Variants in HIVEP3 observed in about 807,000 individuals in gnomAD.
The protein encoded by HIVEP3 is HIVEP zinc finger 3.
In HIVEP3, 49 loss-of-function variants were observed where a neutral mutation model predicts 152.8. The observed-to-expected ratio is 0.32, with a 90% confidence interval of 0.26 to 0.41. The LOEUF is 0.41. Ranked by LOEUF, HIVEP3 falls within the 10% of genes least tolerant of loss-of-function variation. The probability of loss-of-function intolerance (pLI) is 1.00; values close to 1 mark genes in which losing one functional copy is unlikely to be tolerated. For missense variants in HIVEP3, 2,790 were observed against 3,103.3 expected (o/e 0.90, Z 2.40); for synonymous variants, 1,269 against 1,289.0 (o/e 0.98, Z 0.33).
At position 41,508,254 on chromosome 1, in the gene HIVEP3, C is replaced by G. The variant is rs982709641; in HGVS notation, c.*2197G>C. The G allele has an allele frequency of 1.3e-5, 2 of 152,216 alleles. No individual in the cohort carries two copies. The highest frequency in any genetic ancestry group is 2.4e-5 in the African/African-American group (1 of 41,428). The allele number at this position is 152,216 out of a possible 1,614,324, so 9.4% of individuals were successfully genotyped here. A position where few individuals can be genotyped will look rare whatever the true frequency, so the allele number is the denominator to read the frequency against. On this transcript the variant is annotated 3_prime_UTR_variant, in exon 9 of 9. Transcript: ENST00000372583. ...TTTCTAACCTGGGCTGAAGCAATGC[C>G]CTTTATGCAGCTCCCAGACCTCAGC... is the stretch of plus-strand genomic sequence containing the variant.
At chr1:41,836,535 A>G (rs1570637268) in intron 1 of HIVEP3, among the ~76,000 whole-genome samples, 2 of 152,362 alleles carry the variant, frequency 1.3e-5, no homozygotes, top group South Asian at 4.1e-4. Context: ...CATCAACAAG[A>G]CAATCTGAGC....
At chr1:42,005,032 G>C (rs1050729290) in intron 1 of HIVEP3, among the ~76,000 whole-genome samples, 1 of 152,154 alleles carries the variant, frequency 6.6e-6, no homozygotes, top group Admixed American at 6.6e-5. Flanking sequence ...CCTCCTTGCT[G>C]TCCTGGACAC....
At position 41,582,340 on chromosome 1, in the gene HIVEP3, C is replaced by G; in HGVS notation, c.2458G>C (p.Gly820Arg). The change falls in exon 4 of 9, where the codon GGG becomes CGG. Residue 820 changes from glycine (G) to arginine (R), a missense_variant. Coordinates refer to ENST00000372583, the MANE Select transcript of HIVEP3 (RefSeq NM_024503.5). This position sits in a 1 kb window ranked among gnomAD's most constrained non-coding sequence, Gnocchi z 4.7. ...AACTGGGCCAGAGGTTTGTCTTCCC[C>G]TTCCAAGCCACTCGGCTGCTCGAGA... ...DSLEQPSGLEGEDKPLAQFPS... is the reference protein window; with the variant it reads ...DSLEQPSGLEREDKPLAQFPS... 2 of 1,614,108 alleles carry G rather than the reference C, an allele frequency of 1.2e-6. No individual in the cohort carries two copies. The highest frequency in any genetic ancestry group is 1.7e-6 in the Non-Finnish European group (2 of 1,179,974).
chr1:41,739,733 C>A (rs1194967439), intron 1 of HIVEP3, among the ~76,000 whole-genome samples: 2 of 152,220 alleles, frequency 1.3e-5, no homozygotes, highest in Non-Finnish European at 2.9e-5. Context: ...CCCTGTAAGA[C>A]AGGCAGGGTA....
At chr1:41,667,867 C>A (rs1443946094) in intron 2 of HIVEP3, among the ~76,000 whole-genome samples, 1 of 151,622 alleles carries the variant, frequency 6.6e-6, no homozygotes, top group African/African-American at 2.4e-5. Flanking sequence ...AATAAAGAAG[C>A]CCCCCCCAAG....
rs776108640 is a variant in HIVEP3 at position 41,518,414 on chromosome 1, C to T, written c.5458G>A (p.Glu1820Lys). Residue 1820 changes from glutamate (E) to lysine (K), a missense_variant, in exon 7 of 9, where the codon GAA becomes AAA. Physicochemically the swap from Glu to Lys is moderately conservative, Grantham distance 56. This residue lies in a region of HIVEP3 where 816 missense variants were observed against 806.5 expected (regional missense o/e 1.01). Coordinates refer to ENST00000372583, the MANE Select transcript of HIVEP3 (RefSeq NM_024503.5). Reference sequence around the variant, plus strand: ...TGGCAATTGTTACCTTCTTCGGCTTCCAGCTCCTCCAGCACCCCTGTCTCT... The same window carrying T: ...TGGCAATTGTTACCTTCTTCGGCTTTCAGCTCCTCCAGCACCCCTGTCTCT... ...CQETGVLEELEAEEGTSDDLF... is the reference protein window; with the variant it reads ...CQETGVLEELKAEEGTSDDLF... 41 of 1,614,026 alleles carry T rather than the reference C, an allele frequency of 2.5e-5. No homozygotes were observed. The highest frequency in any genetic ancestry group is 3.2e-5 in the Non-Finnish European group (38 of 1,179,994).
intron 1 of HIVEP3, among the ~76,000 whole-genome samples, chr1:41,764,302 T>C (rs1487885058): frequency 2.6e-5 from 4 of 152,216 alleles, no homozygotes; most frequent in Non-Finnish European, 2.9e-5. Flanking sequence ...GTGACCATCA[T>C]AGCCCAGGCA....
At chr1:41,692,973 C>G (rs778010819) in intron 2 of HIVEP3, among the ~76,000 whole-genome samples, 19 of 152,220 alleles carry the variant, frequency 1.2e-4, no homozygotes, top group Non-Finnish European at 2.6e-4. Context: ...GGGCCCAACC[C>G]TCTGCTAAGA....
chr1:41,884,600 C>G (rs1054686285), intron 1 of HIVEP3, among the ~76,000 whole-genome samples: 3 of 152,214 alleles, frequency 2.0e-5, no homozygotes, highest in African/African-American at 7.2e-5. Flanking sequence ...CCAACATACT[C>G]AAAAATTTAA....
At chr1:41,610,312 T>G (rs1205419189) in intron 3 of HIVEP3, among the ~76,000 whole-genome samples, 1 of 152,244 alleles carries the variant, frequency 6.6e-6, no homozygotes, top group Non-Finnish European at 1.5e-5. Flanking sequence ...GACACTTTGC[T>G]GCTATCACAT....
intron 1 of HIVEP3, among the ~76,000 whole-genome samples, chr1:41,725,250 T>G (rs1646735429): frequency 6.6e-6 from 1 of 152,150 alleles, no homozygotes; most frequent in African/African-American, 2.4e-5. Context: ...CATGCAGACA[T>G]GCAGCTGGGC....
At chr1:41,669,867 T>C (rs1019212903) in intron 2 of HIVEP3, among the ~76,000 whole-genome samples, 1 of 152,240 alleles carries the variant, frequency 6.6e-6, no homozygotes, top group Non-Finnish European at 1.5e-5. Context: ...TCTACATTTA[T>C]CTCTATGCCT....
intron 1 of HIVEP3, among the ~76,000 whole-genome samples, chr1:41,789,268 T>A (rs985221561): frequency 6.6e-6 from 1 of 152,216 alleles, no homozygotes; most frequent in Non-Finnish European, 1.5e-5. Flanking sequence ...ATTGTGGGCA[T>A]GTTATGTAAC....
rs1226100189 is a variant in HIVEP3 at position 41,757,693 on chromosome 1, T to TTTTATTTATTTA, written c.-800-56699_-800-56698insTAAATAAATAAA. ...CTTCAGTCTGTTTATATTTTCTACT[T>TTTTATTTATTTA]TGTATTTATTTATTTATTTATTTAT... On this transcript the variant is annotated intron_variant, in intron 1 of 8. Coordinates refer to ENST00000372583, the MANE Select transcript of HIVEP3 (RefSeq NM_024503.5). Among the ~76,000 whole-genome samples, 14 of 61,838 alleles carry TTTTATTTATTTA rather than the reference T, an allele frequency of 2.3e-4. No individual in the cohort carries two copies. The East Asian group carries it at 4.9e-3, about 22-fold the overall frequency. The allele number at this position is 61,838 out of a possible 152,430, so 40.6% of individuals were successfully genotyped here. A position where few individuals can be genotyped will look rare whatever the true frequency, so the allele number is the denominator to read the frequency against.
At chr1:41,981,197 G>A (rs544421713) in intron 1 of HIVEP3, among the ~76,000 whole-genome samples, 4 of 152,290 alleles carry the variant, frequency 2.6e-5, no homozygotes, top group South Asian at 4.1e-4. Context: ...AAGAAGGTAC[G>A]TGTCTCCAAA....
At chr1:41,723,413 C>T (rs1449749093) in intron 1 of HIVEP3, among the ~76,000 whole-genome samples, 1 of 151,784 alleles carries the variant, frequency 6.6e-6, no homozygotes, top group Admixed American at 6.6e-5. Context: ...TACTAAAGTT[C>T]TGGTTCCATC....
At chr1:41,772,341 T>C (rs1158099702) in intron 1 of HIVEP3, among the ~76,000 whole-genome samples, 1 of 152,224 alleles carries the variant, frequency 6.6e-6, no homozygotes, top group East Asian at 1.9e-4. Flanking sequence ...GGACATGAGA[T>C]GTGCCCTCCT....
At chr1:41,716,029 C>T (rs1363672581) in intron 1 of HIVEP3, among the ~76,000 whole-genome samples, 2 of 152,160 alleles carry the variant, frequency 1.3e-5, no homozygotes, top group Non-Finnish European at 2.9e-5. Flanking sequence ...TGAGGTAGTC[C>T]TTGAAGCAGG....
intron 1 of HIVEP3, among the ~76,000 whole-genome samples, chr1:42,014,802 T>C (rs924372264): frequency 7.2e-5 from 11 of 152,204 alleles, no homozygotes; most frequent in African/African-American, 2.7e-4. Context: ...TTCCCTCAAA[T>C]TTAATACGTT....
Sources: allele counts gnomAD v4.1 joint callset (sites outside exome capture counted in the v4.1 genomes callset), GRCh38; gene constraint gnomAD v4.1.1; regional missense constraint gnomAD v4.1.1; non-coding constraint Gnocchi (gnomAD v3.1); transcripts MANE v1.5; gene names NCBI Gene and HGNC (gene_info 2026-07-23, HGNC 2026-07-21).